GALNT13: variants seen among roughly 807,000 people sequenced by gnomAD.
GALNT13 encodes UDP-GalNAc:polypeptide N-acetylgalactosaminyltransferase 13.
In GALNT13, 28 loss-of-function variants were observed where a neutral mutation model predicts 64.2. The observed-to-expected ratio is 0.44, with a 90% CI of 0.32 to 0.60. GALNT13 has a LOEUF of 0.60. Among genes scored for constraint, GALNT13 ranks in the 20% least tolerant of loss-of-function variants. GALNT13 has a pLI of 0.05. For synonymous variants in GALNT13, 214 were observed against 224.6 expected, an observed-to-expected ratio of 0.95 and a Z score of 0.42; for missense variants, 577 against 669.8, an observed-to-expected ratio of 0.86 and a Z score of 1.53.
chr2:153,175,383 A>G, the GALNT13 span, among the ~76,000 whole-genome samples: 2 of 152,176 alleles, frequency 1.3e-5, no homozygotes. Context: ...CATACACAAG[A>G]GTGTAATTTG....
At chr2:153,160,189 A>C in the GALNT13 span, among the ~76,000 whole-genome samples, 1 of 152,228 alleles carries the variant, frequency 6.6e-6, no homozygotes, top group South Asian at 2.1e-4. Flanking sequence ...CCAGATTTAC[A>C]GATAAGAGGA....
chr2:154,358,503 A>T (rs2105277809), intron 9 of GALNT13, among the ~76,000 whole-genome samples: 1 of 152,212 alleles, frequency 6.6e-6, no homozygotes, highest in African/African-American at 2.4e-5. Context: ...TTAAAGCACT[A>T]TCTGGACTCA....
chr2:153,732,935 G>A, the GALNT13 span, among the ~76,000 whole-genome samples: 8 of 152,138 alleles, frequency 5.3e-5, no homozygotes, highest in South Asian at 4.1e-4. Context: ...GAGAAGAACC[G>A]CTTACTCTCC....
At chr2:154,297,366 T>C (rs1020101766) in intron 8 of GALNT13, among the ~76,000 whole-genome samples, 2 of 152,178 alleles carry the variant, frequency 1.3e-5, no homozygotes, top group African/African-American at 4.8e-5. Context: ...AAAATTCATG[T>C]ATTGAAGCCT....
chr2:153,486,815 T>G, the GALNT13 span, among the ~76,000 whole-genome samples: 2 of 152,226 alleles, frequency 1.3e-5, no homozygotes, highest in Non-Finnish European at 2.9e-5. Context: ...TGACTTTCCA[T>G]GTACTCTTTA....
the GALNT13 span, among the ~76,000 whole-genome samples, chr2:153,172,689 T>G: frequency 1.1e-4 from 16 of 151,984 alleles, no homozygotes; most frequent in East Asian, 7.7e-4. Context: ...GCTAGAAGAG[T>G]GGCACAAAAT....
intron 3 of GALNT13, among the ~76,000 whole-genome samples, chr2:154,102,603 C>T (rs1168916671): frequency 6.6e-6 from 1 of 152,050 alleles, no homozygotes; most frequent in Non-Finnish European, 1.5e-5. Flanking sequence ...GCACCAAAAT[C>T]TCAGAAATCA....
the GALNT13 span, among the ~76,000 whole-genome samples, chr2:153,178,732 C>CTTTTTTTTTTTTTTTT: frequency 4.1e-5 from 4 of 98,414 alleles, no homozygotes; most frequent in Non-Finnish European, 7.9e-5. Context: ...TTCTCTTCTT[C>CTTTTTTTTTTTTTTTT]TTTTTTTTTT....
At chr2:153,627,926 G>A in the GALNT13 span, among the ~76,000 whole-genome samples, 1 of 152,036 alleles carries the variant, frequency 6.6e-6, no homozygotes, top group African/African-American at 2.4e-5. Context: ...CATTGAATCG[G>A]TAAATTACCT....
chr2:154,176,382 A>C (rs1328299693), intron 4 of GALNT13, among the ~76,000 whole-genome samples: 3 of 151,128 alleles, frequency 2.0e-5, no homozygotes, highest in Non-Finnish European at 2.9e-5. Context: ...TCTCCTGAGT[A>C]GCTGGGACTA....
intron 8 of GALNT13, among the ~76,000 whole-genome samples, chr2:154,266,829 CTTATT>C (rs560429955): frequency 6.6e-6 from 1 of 151,592 alleles, no homozygotes; most frequent in South Asian, 2.1e-4. Context: ...GTAAATAAAA[CTTATT>C]TTGTTAGGTA....
chr2:154,195,759 C>A lies in GALNT13; in HGVS notation c.312-46271C>A, dbSNP rs1686845752. On this transcript the variant is annotated intron_variant, in intron 4 of 12. Coordinates refer to ENST00000392825, the MANE Select transcript of GALNT13 (RefSeq NM_052917.4). ...GGGGCTTAAATGAACTACTCTGTCT[C>A]AGGTTTCAAACAATTGGATAGTGAT... 2.6e-5 allele frequency among the ~76,000 whole-genome samples: 4 copies of A among 152,032 alleles called. 1 individual carries two copies. In the South Asian group the frequency reaches 8.3e-4, roughly 31 times the overall value.
the GALNT13 span, among the ~76,000 whole-genome samples, chr2:153,427,674 A>G: frequency 6.6e-6 from 1 of 152,200 alleles, no homozygotes; most frequent in Middle Eastern, 3.2e-3. Context: ...TATTGTTTGC[A>G]TCATATGAAG....
chr2:154,253,311 A>G (rs533812115), intron 7 of GALNT13, among the ~76,000 whole-genome samples: 5 of 152,172 alleles, frequency 3.3e-5, no homozygotes, highest in Non-Finnish European at 5.9e-5. Context: ...AATACAGGAT[A>G]TATTGTCTTC....
chr2:153,464,647 T>A, the GALNT13 span, among the ~76,000 whole-genome samples: 9 of 152,092 alleles, frequency 5.9e-5, no homozygotes, highest in African/African-American at 2.2e-4. Context: ...CAATGCTGAT[T>A]GCAGTGACTT....
the GALNT13 span, among the ~76,000 whole-genome samples, chr2:153,740,519 A>T: frequency 6.6e-6 from 1 of 152,076 alleles, no homozygotes; most frequent in Non-Finnish European, 1.5e-5. Context: ...TTGTGTGCCA[A>T]TTCCAACATC....
intron 11 of GALNT13, chr2:154,435,921 G>C (rs1700944089): frequency 6.6e-6 from 1 of 152,032 alleles, no homozygotes; most frequent in Non-Finnish European, 1.5e-5. Context: ...GGATATAAAT[G>C]ATAAATAATT....
chr2:153,732,382 G>A, the GALNT13 span, among the ~76,000 whole-genome samples: 1 of 152,074 alleles, frequency 6.6e-6, no homozygotes, highest in Middle Eastern at 3.4e-3. Context: ...AATATTAAAA[G>A]AATATGAACA....
chr2:153,659,566 A>G, the GALNT13 span, among the ~76,000 whole-genome samples: 2 of 152,160 alleles, frequency 1.3e-5, no homozygotes, highest in African/African-American at 4.8e-5. Flanking sequence ...AAAATACACT[A>G]TGACAAGTTC....
Sources: gnomAD v4.1 joint callset for allele counts (sites outside exome capture counted in the v4.1 genomes callset) on GRCh38, gnomAD v4.1.1 for gene constraint, MANE v1.5 for transcripts, NCBI Gene and HGNC (gene_info 2026-07-23, HGNC 2026-07-21) for gene names.